Variants in ARHGAP10 observed in about 807,000 individuals in gnomAD.
The protein encoded by ARHGAP10 is rho GTPase-activating protein 10.
Under a neutral mutation model 108.6 loss-of-function variants are expected in ARHGAP10, and 87 were observed. The observed-to-expected ratio is 0.80, with a 90% CI of 0.67 to 0.96. ARHGAP10 has a LOEUF of 0.96. Among genes scored for constraint, ARHGAP10 ranks in the 40% least tolerant of loss-of-function variants. The pLI is 0.00. For synonymous variants in ARHGAP10, 347 were observed against 341.1 expected (o/e 1.02, Z -0.19); for missense variants, 939 against 954.5 (o/e 0.98, Z 0.21).
chr4:147,925,259 C>T (rs781506614), intron 13 of ARHGAP10, among the ~76,000 whole-genome samples: 42 of 152,150 alleles, frequency 2.8e-4, no homozygotes, highest in Admixed American at 2.6e-4. Flanking sequence ...GGCATTCTTC[C>T]TCCTGGGATT....
intron 1 of ARHGAP10, among the ~76,000 whole-genome samples, chr4:147,746,586 C>T (rs1273516666): frequency 6.6e-6 from 1 of 151,986 alleles, no homozygotes; most frequent in Non-Finnish European, 1.5e-5. Context: ...GACGGGGTTT[C>T]ACCATGTTGG....
At chr4:148,013,070 TC>T (rs1741226549) in intron 18 of ARHGAP10, among the ~76,000 whole-genome samples, 2 of 152,182 alleles carry the variant, frequency 1.3e-5, no homozygotes, top group Admixed American at 1.3e-4. Context: ...AGCAAAGTGT[TC>T]CTATAAATTT....
chr4:148,021,796 C>G (rs1364984136), intron 18 of ARHGAP10, among the ~76,000 whole-genome samples: 1 of 152,164 alleles, frequency 6.6e-6, no homozygotes, highest in Non-Finnish European at 1.5e-5. Context: ...TCTATTGGAA[C>G]ACAGATTTTG....
At chr4:147,868,050 G>C (rs1429501869) in intron 7 of ARHGAP10, among the ~76,000 whole-genome samples, 1 of 151,958 alleles carries the variant, frequency 6.6e-6, no homozygotes, top group East Asian at 1.9e-4. Context: ...GCTAATGATA[G>C]AGTTCTGGAG....
intron 8 of ARHGAP10, among the ~76,000 whole-genome samples, chr4:147,875,878 T>G (rs1449642864): frequency 6.6e-6 from 1 of 152,252 alleles, no homozygotes; most frequent in Non-Finnish European, 1.5e-5. Flanking sequence ...ACAGCTAAGT[T>G]CTTAACGTTT....
intron 10 of ARHGAP10, among the ~76,000 whole-genome samples, chr4:147,898,441 T>C (rs993634448): frequency 6.6e-5 from 10 of 152,230 alleles, no homozygotes; most frequent in African/African-American, 2.4e-4. Flanking sequence ...CTTATTTCTT[T>C]TTAAATAATT....
chr4:148,036,249 T>G (rs921031830), intron 19 of ARHGAP10, among the ~76,000 whole-genome samples: 25 of 152,352 alleles, frequency 1.6e-4, no homozygotes, highest in African/African-American at 6.0e-4. Context: ...TGTTTCTTTC[T>G]GTAGATCTTA....
intron 3 of ARHGAP10, among the ~76,000 whole-genome samples, chr4:147,836,424 A>G (rs1733172808): frequency 6.6e-6 from 1 of 152,222 alleles, no homozygotes; most frequent in Non-Finnish European, 1.5e-5. Flanking sequence ...GATTATCTGT[A>G]TGAAAGCAGA....
chr4:147,819,936 G>A (rs1732414957), intron 1 of ARHGAP10, among the ~76,000 whole-genome samples: 1 of 152,184 alleles, frequency 6.6e-6, no homozygotes, highest in African/African-American at 2.4e-5. Context: ...TCGCTTCAGG[G>A]AAATGAGGTT....
intron 1 of ARHGAP10, among the ~76,000 whole-genome samples, chr4:147,779,193 C>T (rs1243448758): frequency 6.6e-6 from 1 of 152,116 alleles, no homozygotes; most frequent in Non-Finnish European, 1.5e-5. Context: ...CACGTGAGAA[C>T]CACTGCTGTG....
At chr4:148,070,178 G>A (rs537618009) in intron 22 of ARHGAP10, among the ~76,000 whole-genome samples, 65 of 152,332 alleles carry the variant, frequency 4.3e-4, no homozygotes, top group Admixed American at 2.0e-3. Flanking sequence ...ATACACGTAT[G>A]CCTGCACACA....
At chr4:147,842,606 C>T (rs1449827716) in intron 3 of ARHGAP10, among the ~76,000 whole-genome samples, 3 of 152,144 alleles carry the variant, frequency 2.0e-5, no homozygotes, top group Non-Finnish European at 4.4e-5. Context: ...CCTGAAATTG[C>T]TGTTTTCCCC....
intron 18 of ARHGAP10, 154 bp from the exon 19 acceptor site, chr4:148,023,108 CT>C: frequency 1.5e-6 from 1 of 686,618 alleles, no homozygotes. Flanking sequence ...AAATAAAAGG[CT>C]ATGACCTCTT....
intron 1 of ARHGAP10, among the ~76,000 whole-genome samples, chr4:147,781,731 G>A (rs1012872944): frequency 6.8e-6 from 1 of 146,668 alleles, no homozygotes; most frequent in African/African-American, 2.5e-5. Context: ...AGGCTGGAGT[G>A]CAGTGGCGCA....
intron 3 of ARHGAP10, among the ~76,000 whole-genome samples, chr4:147,835,559 A>G (rs538165768): frequency 6.6e-6 from 1 of 152,252 alleles, no homozygotes; most frequent in Admixed American, 6.5e-5. Context: ...TTTTTAGTAG[A>G]GACAGGGTTT....
intron 14 of ARHGAP10, chr4:147,946,359 A>T (rs1329211203): frequency 2.6e-6 from 1 of 385,310 alleles, no homozygotes; most frequent in African/African-American, 2.1e-5. Context: ...ATAATATACT[A>T]TGTCTAATTC....
chr4:148,029,743 C>T (rs1435398260), intron 19 of ARHGAP10, among the ~76,000 whole-genome samples: 1 of 152,168 alleles, frequency 6.6e-6, no homozygotes, highest in South Asian at 2.1e-4. Context: ...GCCATCTCCT[C>T]ACAGCAGTGT....
At chr4:147,919,293 A>G (rs1319841491) in intron 13 of ARHGAP10, among the ~76,000 whole-genome samples, 1 of 152,226 alleles carries the variant, frequency 6.6e-6, no homozygotes, top group Non-Finnish European at 1.5e-5. Flanking sequence ...AAATTATTCT[A>G]GTTTTGAGAT....
At chr4:147,821,381 A>G (rs1732493683) in intron 1 of ARHGAP10, among the ~76,000 whole-genome samples, 2 of 152,178 alleles carry the variant, frequency 1.3e-5, no homozygotes, top group Admixed American at 6.5e-5. Flanking sequence ...CATGCTTGCA[A>G]TCCATCCCAT....
Sources: allele counts gnomAD v4.1 joint callset (sites outside exome capture counted in the v4.1 genomes callset), GRCh38; gene constraint gnomAD v4.1.1; transcripts MANE v1.5; gene names NCBI Gene and HGNC (gene_info 2026-07-23, HGNC 2026-07-21).